Variants in NFAM1 observed in about 807,000 individuals in gnomAD.
The protein encoded by NFAM1 is NFAT activation molecule 1.
A neutral mutation model predicts 29.0 loss-of-function variants in NFAM1; 17 were observed. The ratio of observed to expected loss-of-function variants is 0.59; its 90% confidence interval spans 0.40 to 0.88. NFAM1 has a LOEUF of 0.88. NFAM1 is among the 40% of genes least tolerant of loss of function. The pLI is 0.00. For synonymous variants in NFAM1, 175 were observed against 147.2 expected (o/e 1.19, Z -1.36); for missense variants, 324 against 344.6 (o/e 0.94, Z 0.47).
chr22:42,399,548 G>A (rs1569228397), intron 3 of NFAM1, among the ~76,000 whole-genome samples: 2 of 152,212 alleles, frequency 1.3e-5, no homozygotes, highest in East Asian at 3.9e-4. Context: ...GGCGTGGCGT[G>A]GCCGTGCTGG....
chr22:42,414,542 C>T (rs888747354), intron 1 of NFAM1, among the ~76,000 whole-genome samples: 6 of 151,888 alleles, frequency 4.0e-5, no homozygotes, highest in Admixed American at 1.3e-4. Context: ...AGTTCAAGGC[C>T]AGCCTGGGCA....
chr22:42,420,611 C>T (rs1318180057), intron 1 of NFAM1, among the ~76,000 whole-genome samples: 1 of 151,904 alleles, frequency 6.6e-6, no homozygotes, highest in Non-Finnish European at 1.5e-5. Context: ...ACTAAAAATA[C>T]AAAAATTAGC....
At chr22:42,422,230 A>C (rs1445454649) in intron 1 of NFAM1, among the ~76,000 whole-genome samples, 1 of 152,212 alleles carries the variant, frequency 6.6e-6, no homozygotes, top group Non-Finnish European at 1.5e-5. Flanking sequence ...AACCAAGTGC[A>C]GAACGTCCAA....
chr22:42,380,453 G>A lies in NFAM1; in HGVS notation c.*4708C>T, dbSNP rs1283093568. On this transcript the variant is annotated 3_prime_UTR_variant, in exon 6 of 6. Transcript: ENST00000329021. ...ATGTTTCACTGTAACATATGCTTCT[G>A]TCACCCACATATGTCACCTCCAGAC... 1 of 152,322 alleles carries A rather than the reference G, an allele frequency of 6.6e-6. No individual in the cohort carries two copies. The highest frequency in any genetic ancestry group is 1.5e-5 in the Non-Finnish European group (1 of 68,048). The allele number at this position is 152,322 out of a possible 1,614,324, so 9.4% of individuals were successfully genotyped here. A position where few individuals can be genotyped will look rare whatever the true frequency, so the allele number is the denominator to read the frequency against.
intron 3 of NFAM1, among the ~76,000 whole-genome samples, chr22:42,405,599 C>A (rs1463526428): frequency 2.0e-5 from 3 of 152,288 alleles, no homozygotes; most frequent in Middle Eastern, 3.4e-3. Flanking sequence ...CTCGTGCTGG[C>A]TTGGGGAGGG....
chr22:42,428,402 C>T (rs1345721197), intron 1 of NFAM1, among the ~76,000 whole-genome samples: 1 of 152,192 alleles, frequency 6.6e-6, no homozygotes, highest in East Asian at 1.9e-4. Context: ...GGCAGGAGGT[C>T]TCAGCCGGGA....
Position 42,382,009 on chromosome 22 carries a change from C to A in NFAM1, c.*3152G>T, listed in dbSNP as rs1432914430. On this transcript the variant is annotated 3_prime_UTR_variant, in exon 6 of 6. Transcript: ENST00000329021. ...GAAATGCACACCCACTGAGCTTCTG[C>A]CTGAGCCAGGGAGTCCCCTTCTGTC... The A allele has an allele frequency of 6.6e-6, 1 of 152,618 alleles. No individual in the cohort carries two copies. The highest frequency in any genetic ancestry group is 1.5e-5 in the Non-Finnish European group (1 of 68,356). 9.5% of individuals were successfully genotyped at this position (152,618 alleles called of 1,614,324 possible). A position where few individuals can be genotyped will look rare whatever the true frequency, so the allele number is the denominator to read the frequency against.
chr22:42,402,754 G>A (rs1022466701), intron 3 of NFAM1, among the ~76,000 whole-genome samples: 4 of 151,740 alleles, frequency 2.6e-5, no homozygotes, highest in Admixed American at 1.3e-4. Context: ...GAATCATGGC[G>A]ATTGCTGCCT....
chr22:42,387,741 C>A (rs1392904074), intron 4 of NFAM1, among the ~76,000 whole-genome samples: 1 of 152,150 alleles, frequency 6.6e-6, no homozygotes, highest in Non-Finnish European at 1.5e-5. Context: ...CTCAGCCACC[C>A]CTCCTGGGCC....
chr22:42,412,703 AAAGT>A (rs1930136220), intron 1 of NFAM1, among the ~76,000 whole-genome samples: 1 of 152,230 alleles, frequency 6.6e-6, no homozygotes, highest in Non-Finnish European at 1.5e-5. Flanking sequence ...TCCCCGTGCC[AAAGT>A]AAGGAGGCAT....
At chr22:42,391,329 A>G (rs1451990184) in intron 4 of NFAM1, among the ~76,000 whole-genome samples, 2 of 121,872 alleles carry the variant, frequency 1.6e-5, no homozygotes, top group African/African-American at 3.1e-5. Context: ...GGCTACTGCC[A>G]GGTGAAAAAT....
rs1371660175 is a variant in NFAM1 at position 42,419,823 on chromosome 22, G to C, written c.122-8087C>G. On this transcript the variant is annotated intron_variant, in intron 1 of 5. Transcript: ENST00000329021. The surrounding 1 kb of genome is among the most constrained non-coding windows in gnomAD (Gnocchi z 4.5). Reference sequence around the variant, plus strand: ...CCCCGCACAGCACAGACTCTCAGGCGTCACTGTTAAGCCATGTGATCAGAA... The same window carrying C: ...CCCCGCACAGCACAGACTCTCAGGCCTCACTGTTAAGCCATGTGATCAGAA... Among the ~76,000 whole-genome samples, 2 of 152,074 alleles carry C rather than the reference G, an allele frequency of 1.3e-5. No homozygotes were observed. Among genetic ancestry groups the C allele is most frequent in the Non-Finnish European group, 2.9e-5 (2 of 68,014 alleles).
intron 1 of NFAM1, among the ~76,000 whole-genome samples, chr22:42,427,189 G>C (rs1930652401): frequency 6.6e-6 from 1 of 152,126 alleles, no homozygotes; most frequent in African/African-American, 2.4e-5. Context: ...GTCCCCACTA[G>C]GGTATGGCCT....
At chr22:42,391,164 G>A (rs1446042228) in intron 4 of NFAM1, among the ~76,000 whole-genome samples, 1 of 152,196 alleles carries the variant, frequency 6.6e-6, no homozygotes. Flanking sequence ...CCGCGGAGGG[G>A]CTGCTCTCCC....
rs1685170681 is a variant in NFAM1 at position 42,388,072 on chromosome 22, G to A, written c.664-994C>T. Among the ~76,000 whole-genome samples, 1 of 152,210 alleles carries A rather than the reference G, an allele frequency of 6.6e-6. No homozygotes were observed. Among genetic ancestry groups the A allele is most frequent in the Non-Finnish European group, 1.5e-5 (1 of 68,046 alleles). On this transcript the variant is annotated intron_variant, in intron 4 of 5. Transcript: ENST00000329021. The surrounding 1 kb of genome is among the most constrained non-coding windows in gnomAD (Gnocchi z 4.1). ...AGCACCAAATGAGCTATGGTAAGGGGGCTTCCCCGTCACTCGGGTGTGTCC... is the reference window on the plus strand; with the variant it reads ...AGCACCAAATGAGCTATGGTAAGGGAGCTTCCCCGTCACTCGGGTGTGTCC...
intron 1 of NFAM1, among the ~76,000 whole-genome samples, chr22:42,425,234 T>C (rs1930586039): frequency 6.6e-6 from 1 of 151,992 alleles, no homozygotes; most frequent in Non-Finnish European, 1.5e-5. Flanking sequence ...TATTTGCATT[T>C]TAGAACAAGG....
intron 5 of NFAM1, among the ~76,000 whole-genome samples, chr22:42,386,509 CA>C (rs1929151696): frequency 6.6e-6 from 1 of 151,988 alleles, no homozygotes; most frequent in Non-Finnish European, 1.5e-5. Context: ...GAACCCTGAC[CA>C]GGCCAGCCCA....
At position 42,411,659 on chromosome 22, in the gene NFAM1, T is replaced by G. The variant is rs777809752; in HGVS notation, c.199A>C (p.Ile67Leu). The G allele has an allele frequency of 6.2e-7, 1 of 1,614,070 alleles. No individual in the cohort carries two copies. Among genetic ancestry groups the G allele is most frequent in the Admixed American group, 1.7e-5 (1 of 60,020 alleles). ...AATTGGGGAGTGTATGGATAGGTGA[T>G]CCTGCAGCTGAAGGAGATAGCTGTG... Reference protein sequence around the residue: ...ANTAISFSCRITYPYTPQFKV... With the variant: ...ANTAISFSCRLTYPYTPQFKV... Residue 67 changes from isoleucine to leucine, a missense_variant, in exon 2 of 6, where the codon ATC becomes CTC. Ile to Leu is a conservative substitution (Grantham distance 5). Coordinates refer to ENST00000329021, the MANE Select transcript of NFAM1 (RefSeq NM_145912.8).
At chr22:42,416,587 AGACCACGGG>A (rs1433616001) in intron 1 of NFAM1, among the ~76,000 whole-genome samples, 6 of 152,288 alleles carry the variant, frequency 3.9e-5, no homozygotes, top group African/African-American at 1.2e-4. Context: ...GATCACATGG[AGACCACGGG>A]GTCACAGAAG....
Sources: gnomAD v4.1 joint callset for allele counts (sites outside exome capture counted in the v4.1 genomes callset) on GRCh38, gnomAD v4.1.1 for gene constraint, Gnocchi (gnomAD v3.1) non-coding constraint, MANE v1.5 for transcripts, NCBI Gene and HGNC (gene_info 2026-07-23, HGNC 2026-07-21) for gene names.